Variants in CSMD3 observed in about 807,000 individuals in gnomAD.
The protein encoded by CSMD3 is CUB and Sushi multiple domains 3, also known as CUB and sushi domain-containing protein 3.
CSMD3 carries 177 observed loss-of-function variants against 435.2 expected under a neutral mutation model. That is an observed-to-expected ratio of 0.41 (90% CI 0.36 to 0.46). The LOEUF (loss-of-function observed/expected upper bound fraction) is 0.46. Among genes scored for constraint, CSMD3 ranks in the 20% least tolerant of loss-of-function variants. The pLI, the probability that CSMD3 is intolerant of heterozygous loss-of-function variation, is 0.34. For synonymous variants in CSMD3, 1,656 were observed against 1,520.5 expected, an observed-to-expected ratio of 1.09 and a Z score of -2.07; for missense variants, 4,265 against 4,504.6, an observed-to-expected ratio of 0.95 and a Z score of 1.52.
At chr8:113,285,312 T>C (rs2093638331) in intron 2 of CSMD3, among the ~76,000 whole-genome samples, 1 of 144,230 alleles carries the variant, frequency 6.9e-6, no homozygotes, top group African/African-American at 2.6e-5. Flanking sequence ...CAGGCTGGAG[T>C]GCAGTGGCAC....
At chr8:112,300,189 AT>A (rs1820779900) in intron 53 of CSMD3, among the ~76,000 whole-genome samples, 1 of 147,254 alleles carries the variant, frequency 6.8e-6, no homozygotes, top group African/African-American at 2.5e-5. Context: ...TAAATATAGT[AT>A]TTTAAATATA....
At chr8:113,272,809 A>G (rs2093539693) in intron 3 of CSMD3, among the ~76,000 whole-genome samples, 1 of 152,170 alleles carries the variant, frequency 6.6e-6, no homozygotes, top group Non-Finnish European at 1.5e-5. Context: ...ATTGTAAAAC[A>G]TATTGAAGTA....
chr8:112,890,414 T>A (rs2130318852), intron 10 of CSMD3, among the ~76,000 whole-genome samples: 1 of 151,840 alleles, frequency 6.6e-6, no homozygotes, highest in African/African-American at 2.4e-5. Flanking sequence ...CTATAATAGA[T>A]ACAATTTCAT....
chr8:113,011,289 A>G (rs1442176952), intron 6 of CSMD3, among the ~76,000 whole-genome samples: 1 of 151,832 alleles, frequency 6.6e-6, no homozygotes, highest in Non-Finnish European at 1.5e-5. Flanking sequence ...GAATTTTAAA[A>G]TGTTAAGAAA....
intron 3 of CSMD3, among the ~76,000 whole-genome samples, chr8:113,210,048 TAC>T (rs1029880719): frequency 1.2e-4 from 14 of 112,110 alleles, no homozygotes; most frequent in African/African-American, 3.9e-4. Flanking sequence ...GTGTGTGTGA[TAC>T]ACAGTGTTTT....
intron 32 of CSMD3, among the ~76,000 whole-genome samples, chr8:112,458,053 G>A (rs1419111734): frequency 6.6e-6 from 1 of 151,918 alleles, no homozygotes; most frequent in Non-Finnish European, 1.5e-5. Context: ...ATTGAGATTT[G>A]TTTTAATGTG....
At chr8:112,288,143 T>A (rs935800738) in intron 57 of CSMD3, among the ~76,000 whole-genome samples, 6 of 152,026 alleles carry the variant, frequency 3.9e-5, no homozygotes, top group African/African-American at 1.4e-4. Context: ...ATGTCCTTAT[T>A]TTCATGTGAT....
intron 59 of CSMD3, among the ~76,000 whole-genome samples, chr8:112,279,338 A>G (rs1818406306): frequency 6.6e-6 from 1 of 152,208 alleles, no homozygotes; most frequent in African/African-American, 2.4e-5. Context: ...AGGAGTTACC[A>G]AACACAAAAC....
chr8:112,289,671 T>A, intron 56 of CSMD3, 133 bp from the exon 57 acceptor site: 1 of 610,314 alleles, frequency 1.6e-6, no homozygotes, highest in Non-Finnish European at 2.7e-6. Context: ...ATCAAACATC[T>A]ATGTTGAAGG....
At chr8:113,162,348 C>T (rs2131838494) in intron 4 of CSMD3, among the ~76,000 whole-genome samples, 1 of 151,924 alleles carries the variant, frequency 6.6e-6, no homozygotes, top group Non-Finnish European at 1.5e-5. Flanking sequence ...GGTAGATCAC[C>T]TGAGGTTGGG....
rs1258425143 is a variant in CSMD3 at position 113,278,095 on chromosome 8, C to A, written c.514+497G>T. Among the ~76,000 whole-genome samples the A allele has an allele frequency of 4.0e-5, 6 of 151,854 alleles. No individual in the cohort carries two copies. In the East Asian group the frequency reaches 9.6e-4, roughly 24 times the overall value. On this transcript the variant is annotated intron_variant, in intron 3 of 70. Transcript: ENST00000297405. ...CTTCTAGGAAAAAGAAAAAACACAA[C>A]CTTCAGTTTTGAGAAATATTTAGTT...
intron 30 of CSMD3, among the ~76,000 whole-genome samples, chr8:112,494,494 C>CCTTT (rs66517203): frequency 0.041 from 1,614 of 39,594 alleles, 44 homozygotes; most frequent in Middle Eastern, 0.073. Context: ...TTCTTTCTCT[C>CCTTT]CTTTCTTTCT....
intron 16 of CSMD3, among the ~76,000 whole-genome samples, chr8:112,673,541 C>T (rs2075705260): frequency 6.6e-6 from 1 of 152,040 alleles, no homozygotes; most frequent in Non-Finnish European, 1.5e-5. Flanking sequence ...TGTGTGAATA[C>T]ATATCTGTTT....
At chr8:112,246,936 T>C (rs1814792018) in intron 64 of CSMD3, 84 bp downstream of exon 64, 2 of 898,058 alleles carry the variant, frequency 2.2e-6, no homozygotes, top group Non-Finnish European at 1.8e-6. Flanking sequence ...CACATATAGA[T>C]GTAAATGTAT....
At chr8:113,295,207 T>C (rs1456150238) in intron 2 of CSMD3, among the ~76,000 whole-genome samples, 1 of 152,150 alleles carries the variant, frequency 6.6e-6, no homozygotes, top group African/African-American at 2.4e-5. Flanking sequence ...TATAGTTATT[T>C]TTAAATGCAC....
At chr8:113,068,064 A>C (rs1030351295) in intron 5 of CSMD3, among the ~76,000 whole-genome samples, 6 of 152,158 alleles carry the variant, frequency 3.9e-5, no homozygotes, top group African/African-American at 1.4e-4. Context: ...TTTAAAACAA[A>C]CTGTTCATGT....
rs187400358 is a variant in CSMD3, at chr8:113,432,121, T to A, written c.178+4556A>T. Among the ~76,000 whole-genome samples the A allele has an allele frequency of 2.4e-3, 369 of 152,250 alleles. 7 individuals carry two copies. The highest frequency in any genetic ancestry group is 0.017 in the Admixed American group (256 of 15,284). On this transcript the variant is annotated intron_variant, in intron 1 of 70. Coordinates refer to ENST00000297405, the MANE Select transcript of CSMD3 (RefSeq NM_198123.2). ...TATTTCTGCTCACATACTCTTCCAA[T>A]GAGGGCGTGATGCAGCACCCGCCTC...
chr8:112,998,970 A>G (rs1008894168), intron 6 of CSMD3, among the ~76,000 whole-genome samples: 2 of 151,954 alleles, frequency 1.3e-5, no homozygotes, highest in African/African-American at 4.8e-5. Context: ...AGCCAATTAA[A>G]ACTTTTTTCT....
chr8:112,306,442 T>C (rs1821430109), intron 50 of CSMD3, among the ~76,000 whole-genome samples: 1 of 152,210 alleles, frequency 6.6e-6, no homozygotes, highest in African/African-American at 2.4e-5. Flanking sequence ...GGTTTCTTAC[T>C]TAATTTCTGG....
Sources: allele counts gnomAD v4.1 joint callset (sites outside exome capture counted in the v4.1 genomes callset), GRCh38; gene constraint gnomAD v4.1.1; transcripts MANE v1.5; gene names NCBI Gene and HGNC (gene_info 2026-07-23, HGNC 2026-07-21).